Variants in SMAD6 observed in about 807,000 individuals in gnomAD.
SMAD6 encodes SMAD family member 6.
SMAD6 carries 103 observed loss-of-function variants against 39.4 expected under a neutral mutation model. The observed-to-expected ratio is 2.62, with a 90% CI of 2.23 to 3.08. The LOEUF (loss-of-function observed/expected upper bound fraction) is 3.08. SMAD6 is among the 30% of genes most tolerant of loss of function. The pLI is 0.00. For missense variants in SMAD6, 1,104 were observed against 742.9 expected, an observed-to-expected ratio of 1.49 and a Z score of -5.65; for synonymous variants, 445 against 353.3, an observed-to-expected ratio of 1.26 and a Z score of -2.91.
intron 3 of SMAD6, among the ~76,000 whole-genome samples, chr15:66,757,333 A>G (rs577974508): frequency 1.3e-5 from 2 of 152,158 alleles, no homozygotes; most frequent in Non-Finnish European, 2.9e-5. Context: ...ATAGCAAGAA[A>G]TGCCGCTTTC....
rs544719284 is a variant in SMAD6 at position 66,745,401 on chromosome 15, C to T, written c.952+28903C>T. 5.7e-4 allele frequency among the ~76,000 whole-genome samples: 87 copies of T among 151,912 alleles called. 1 individual carries two copies. The highest frequency in any genetic ancestry group is 9.3e-4 in the Non-Finnish European group (63 of 67,972). On this transcript the variant is annotated intron_variant, in intron 3 of 3. Coordinates refer to ENST00000288840, the MANE Select transcript of SMAD6 (RefSeq NM_005585.5). The stretch of plus-strand genomic sequence containing the variant: ...TGCCCCTCCCCCAAGAGAGGACTCT[C>T]CTCACCCCGACCTGGCTTCCTGGGC...
intron 3 of SMAD6, among the ~76,000 whole-genome samples, chr15:66,768,068 C>T (rs1011766137): frequency 6.8e-6 from 1 of 147,352 alleles, no homozygotes; most frequent in African/African-American, 2.5e-5. Context: ...TTCCGAGGCT[C>T]AAGCAATCCT....
In SMAD6 at chr15:66,781,826, T is replaced by C. The variant is rs1289669461; in HGVS notation, c.*291T>C. Reference sequence around the variant, plus strand: ...TCTTTCAATACAGATATATTTTCTTTCTCTTCCTCCTTCCTCTTCCTTACT... The same window carrying C: ...TCTTTCAATACAGATATATTTTCTTCCTCTTCCTCCTTCCTCTTCCTTACT... On this transcript the variant is annotated 3_prime_UTR_variant, in exon 4 of 4. Transcript: ENST00000288840. 1.0e-5 allele frequency: 4 copies of C among 398,796 alleles called. No homozygotes were observed. Among genetic ancestry groups the C allele is most frequent in the Non-Finnish European group, 1.8e-5 (4 of 226,084 alleles). The allele number at this position is 398,796 out of a possible 1,614,324, so 24.7% of individuals were successfully genotyped here. A position where few individuals can be genotyped will look rare whatever the true frequency, so the allele number is the denominator to read the frequency against.
chr15:66,769,471 G>C (rs888717538), intron 3 of SMAD6, among the ~76,000 whole-genome samples: 13 of 152,184 alleles, frequency 8.5e-5, no homozygotes, highest in African/African-American at 2.9e-4. Flanking sequence ...CAGATCAAGA[G>C]AGTGGATGGA....
At chr15:66,711,801 C>G in intron 2 of SMAD6, 77 bp downstream of exon 2, 1 of 1,248,032 alleles carries the variant, frequency 8.0e-7, no homozygotes, top group East Asian at 2.4e-5. Flanking sequence ...TCTGTCCAGC[C>G]TCAGGGCTGG....
intron 3 of SMAD6, among the ~76,000 whole-genome samples, chr15:66,742,339 C>G (rs981663382): frequency 2.7e-5 from 4 of 146,176 alleles, no homozygotes; most frequent in Non-Finnish European, 6.1e-5. Context: ...ACTTGGGGTA[C>G]CTGGAAGCTT....
In SMAD6 at chr15:66,716,306, C is replaced by T. The variant is rs1595765952; in HGVS notation, c.875-115C>T. 5 of 771,646 alleles carry T rather than the reference C, an allele frequency of 6.5e-6. No homozygotes were observed. In the East Asian group the frequency reaches 1.2e-4, roughly 19 times the overall value. The allele number at this position is 771,646 out of a possible 1,614,324, so 47.8% of individuals were successfully genotyped here. On this transcript the variant is annotated intron_variant, in intron 2 of 3. Coordinates refer to ENST00000288840, the MANE Select transcript of SMAD6 (RefSeq NM_005585.5). Reference sequence around the variant, plus strand: ...AGAAAGTTGGGAGGGACATGCTGCCCTTTGCAAGCACACACATCCACACAC... The same window carrying T: ...AGAAAGTTGGGAGGGACATGCTGCCTTTTGCAAGCACACACATCCACACAC...
Position 66,703,564 on chromosome 15 carries a change from C to G in SMAD6, c.306C>G (p.Ser102Arg). 8.2e-7 allele frequency: 1 copy of G among 1,224,086 alleles called. No individual in the cohort carries two copies. Among genetic ancestry groups the G allele is most frequent in the Non-Finnish European group, 1.0e-6 (1 of 980,310 alleles). 75.8% of individuals were successfully genotyped at this position (1,224,086 alleles called of 1,614,324 possible). ...CGGAGCCAGGGGCCGGCGCTGGGAG[C>G]TCCCTGCTGGACGTGGCGGAGCCGG... Reference protein sequence around the residue: ...PMSEPGAGAGSSLLDVAEPGG... With the variant: ...PMSEPGAGAGRSLLDVAEPGG... Residue 102 changes from serine to arginine, a missense_variant, in exon 1 of 4, where the codon AGC becomes AGG. Physicochemically the swap from Ser to Arg is moderately radical, Grantham distance 110 (BLOSUM62 -1). Transcript: ENST00000288840.
chr15:66,780,357 G>A (rs777751920), intron 3 of SMAD6, among the ~76,000 whole-genome samples: 15 of 152,086 alleles, frequency 9.9e-5, no homozygotes, highest in Non-Finnish European at 2.2e-4. Flanking sequence ...GATCCTGGGG[G>A]CAACTCCTCC....
In SMAD6 at chr15:66,781,507, T is replaced by C; in HGVS notation, c.1463T>C (p.Leu488Pro). 6.4e-7 allele frequency: 1 copy of C among 1,562,522 alleles called. No individual in the cohort carries two copies. Among genetic ancestry groups the C allele is most frequent in the Non-Finnish European group, 8.6e-7 (1 of 1,157,902 alleles). Residue 488 changes from leucine (L) to proline (P), a missense_variant, in exon 4 of 4, where the codon CTG becomes CCG. Physicochemically the swap from Leu to Pro is moderately conservative, Grantham distance 98. Transcript: ENST00000288840. ...RQFITSCPCWLEILLNNPR is the reference protein window; with the variant it reads ...RQFITSCPCWPEILLNNPR ...TTCATCACCTCCTGCCCCTGCTGGC[T>C]GGAGATCCTCCTCAACAACCCCAGA...
chr15:66,741,900 C>G (rs981493259), intron 3 of SMAD6, among the ~76,000 whole-genome samples: 1 of 152,206 alleles, frequency 6.6e-6, no homozygotes, highest in Non-Finnish European at 1.5e-5. Flanking sequence ...ACTGAGGCTG[C>G]AAGGCCGCTC....
intron 3 of SMAD6, among the ~76,000 whole-genome samples, chr15:66,769,772 G>C (rs978237440): frequency 2.0e-5 from 3 of 152,198 alleles, no homozygotes; most frequent in African/African-American, 7.2e-5. Flanking sequence ...AAGACAATTA[G>C]AGGTGCCTCA....
chr15:66,741,377 G>A (rs1188811393), intron 3 of SMAD6, among the ~76,000 whole-genome samples: 2 of 152,206 alleles, frequency 1.3e-5, no homozygotes, highest in South Asian at 2.1e-4. Flanking sequence ...GAGGGGCTTC[G>A]CCTCTGTAGC....
chr15:66,777,335 T>C (rs548071546), intron 3 of SMAD6, among the ~76,000 whole-genome samples: 1 of 151,842 alleles, frequency 6.6e-6, no homozygotes, highest in South Asian at 2.1e-4. Context: ...GGGTGTGGGG[T>C]GGGGGCAATG....
intron 3 of SMAD6, among the ~76,000 whole-genome samples, chr15:66,726,794 C>G (rs999153362): frequency 6.6e-6 from 1 of 152,140 alleles, no homozygotes; most frequent in African/African-American, 2.4e-5. Flanking sequence ...CCTCTTTGCA[C>G]ATCAATCCTG....
At chr15:66,704,148 A>T in intron 1 of SMAD6, 73 bp downstream of exon 1, 2 of 1,189,138 alleles carry the variant, frequency 1.7e-6, no homozygotes, top group South Asian at 2.1e-5. Context: ...TCTCTCTGTG[A>T]CACTGCGGGT....
intron 3 of SMAD6, chr15:66,741,011 C>T (rs1322125913): frequency 6.6e-6 from 1 of 152,264 alleles, no homozygotes; most frequent in Non-Finnish European, 1.5e-5. Flanking sequence ...TGAGCTGAGT[C>T]TCCCTCCAGC....
At chr15:66,754,390 C>T (rs745972702) in intron 3 of SMAD6, among the ~76,000 whole-genome samples, 1 of 152,146 alleles carries the variant, frequency 6.6e-6, no homozygotes, top group Non-Finnish European at 1.5e-5. Flanking sequence ...TCTAAACAGC[C>T]TCCTCCGACC....
intron 3 of SMAD6, among the ~76,000 whole-genome samples, chr15:66,760,865 C>T (rs1280153672): frequency 1.3e-5 from 2 of 152,172 alleles, no homozygotes; most frequent in Non-Finnish European, 2.9e-5. Context: ...TGTCATCCCT[C>T]CCTGGAGGAA....
Sources: gnomAD v4.1 joint callset for allele counts (sites outside exome capture counted in the v4.1 genomes callset) on GRCh38, gnomAD v4.1.1 for gene constraint, MANE v1.5 for transcripts, NCBI Gene and HGNC (gene_info 2026-07-23, HGNC 2026-07-21) for gene names.